LRSAM1: variants seen among roughly 807,000 people sequenced by gnomAD.
The protein encoded by LRSAM1 is E3 ubiquitin-protein ligase LRSAM1.
LRSAM1 carries 96 observed loss-of-function variants against 118.1 expected under a neutral mutation model. That is an observed-to-expected ratio of 0.81 (90% CI 0.69 to 0.96). The LOEUF (loss-of-function observed/expected upper bound fraction) is 0.96. Ranked by LOEUF, LRSAM1 falls within the 40% of genes least tolerant of loss-of-function variation. LRSAM1 has a pLI of 0.00. For synonymous variants in LRSAM1, 322 were observed against 364.2 expected, an observed-to-expected ratio of 0.88 and a Z score of 1.32; for missense variants, 804 against 915.5, an observed-to-expected ratio of 0.88 and a Z score of 1.57.
At chr9:127,474,990 G>T (rs544260312) in intron 11 of LRSAM1, among the ~76,000 whole-genome samples, 69 of 152,160 alleles carry the variant, frequency 4.5e-4, no homozygotes, top group Non-Finnish European at 6.0e-4. Context: ...CTTAATCTCT[G>T]GTTCCTAGAT....
At position 127,503,130 on chromosome 9, in the gene LRSAM1, A is replaced by G; in HGVS notation, c.*231A>G. The G allele has an allele frequency of 6.8e-6, 4 of 587,892 alleles. No homozygotes were observed. The highest frequency in any genetic ancestry group is 3.0e-5 in the Admixed American group (1 of 33,082). 36.4% of individuals were successfully genotyped at this position (587,892 alleles called of 1,614,324 possible). A position where few individuals can be genotyped will look rare whatever the true frequency, so the allele number is the denominator to read the frequency against. The stretch of plus-strand genomic sequence containing the variant: ...GAATGGTCCTGGGGGCTGGGGCTGG[A>G]GAGGCCGCTGCACCACCACCCGAGC... On this transcript the variant is annotated 3_prime_UTR_variant, in exon 26 of 26. Transcript: ENST00000300417.
Position 127,452,099 on chromosome 9 carries a change from A to AC in LRSAM1, c.-33+19dup, listed in dbSNP as rs1232945111. The AC allele has an allele frequency of 6.6e-6, 1 of 151,658 alleles. No homozygotes were observed. Among genetic ancestry groups the AC allele is most frequent in the African/African-American group, 2.4e-5 (1 of 41,190 alleles). The allele number at this position is 151,658 out of a possible 1,614,324, so 9.4% of individuals were successfully genotyped here. A position where few individuals can be genotyped will look rare whatever the true frequency, so the allele number is the denominator to read the frequency against. On this transcript the variant is annotated intron_variant, in intron 2 of 25. Coordinates refer to ENST00000300417, the MANE Select transcript of LRSAM1 (RefSeq NM_001005373.4). ...CGCAAAGCCAGGTCAGCCACTGCCC[A>AC]CCCCACCCCAGGAAATATGGGTGTG...
In LRSAM1 at chr9:127,461,243, C is replaced by T. The variant is rs772202137; in HGVS notation, c.392C>T (p.Thr131Ile). The T allele has an allele frequency of 3.5e-5, 56 of 1,611,774 alleles. No homozygotes were observed. The highest frequency in any genetic ancestry group is 4.5e-5 in the Non-Finnish European group (53 of 1,178,394). Residue 131 changes from threonine to isoleucine, a missense_variant, in exon 8 of 26, where the codon ACT becomes ATT. Thr to Ile is a moderately conservative substitution (Grantham distance 89). Transcript: ENST00000300417. The part of the protein sequence containing the change: ...RSIGNLTQLQ[T>I]LNVKDNKLKE... ...ATTGGGAACCTGACCCAGCTCCAGA[C>T]TCTCAATGTTAAAGGTAGGGACCAA...
chr9:127,463,068 G>A (rs892756351), intron 9 of LRSAM1, among the ~76,000 whole-genome samples: 7 of 151,790 alleles, frequency 4.6e-5, no homozygotes, highest in African/African-American at 1.5e-4. Context: ...GTGGTGGTGC[G>A]CACCTGTAAT....
At chr9:127,474,015 G>A (rs568040152) in intron 11 of LRSAM1, 84 bp downstream of exon 11, 37 of 1,594,802 alleles carry the variant, frequency 2.3e-5, no homozygotes, top group Admixed American at 8.7e-5. Flanking sequence ...GGAATGGAAG[G>A]GGGCGGTGGT....
intron 21 of LRSAM1, among the ~76,000 whole-genome samples, chr9:127,493,186 C>T (rs554827021): frequency 7.9e-5 from 12 of 152,206 alleles, no homozygotes; most frequent in East Asian, 1.9e-4. Context: ...CTCAGCTTCC[C>T]GAGTAGCTGG....
intron 10 of LRSAM1, among the ~76,000 whole-genome samples, chr9:127,470,370 G>A (rs528954004): frequency 3.3e-5 from 5 of 152,142 alleles, no homozygotes; most frequent in Non-Finnish European, 4.4e-5. Flanking sequence ...AAAACCATCA[G>A]ATCTTGTGAG....
Position 127,466,630 on chromosome 9 carries a change from C to T in LRSAM1, c.529-1110C>T, listed in dbSNP as rs1032293788. Among the ~76,000 whole-genome samples the T allele has an allele frequency of 8.8e-5, 13 of 147,130 alleles. No homozygotes were observed. The East Asian group carries it at 1.3e-3, about 14-fold the overall frequency. On this transcript the variant is annotated intron_variant, in intron 9 of 25. Transcript: ENST00000300417. ...GGCCTCCCAAAGTGCTGGGATTACACGCATGAGCCACCACACCCAGCCAGT... is the reference window on the plus strand; with the variant it reads ...GGCCTCCCAAAGTGCTGGGATTACATGCATGAGCCACCACACCCAGCCAGT...
rs1014715998 is a variant in LRSAM1, at chr9:127,500,650, G to A, written c.1913-360G>A. Reference sequence around the variant, plus strand: ...ATCACCAGATGGCCACATGGCCCTGGGTTGAGTGACTCCCCGTCTCTGAGC... The same window carrying A: ...ATCACCAGATGGCCACATGGCCCTGAGTTGAGTGACTCCCCGTCTCTGAGC... On this transcript the variant is annotated intron_variant, in intron 24 of 25. Coordinates refer to ENST00000300417, the MANE Select transcript of LRSAM1 (RefSeq NM_001005373.4). Among the ~76,000 whole-genome samples, 10 of 152,162 alleles carry A rather than the reference G, an allele frequency of 6.6e-5. No individual in the cohort carries two copies. In the East Asian group the frequency reaches 1.9e-3, roughly 29 times the overall value.
At chr9:127,452,752 G>A (rs570045176) in intron 2 of LRSAM1, among the ~76,000 whole-genome samples, 8 of 152,336 alleles carry the variant, frequency 5.3e-5, no homozygotes, top group African/African-American at 1.9e-4. Context: ...AGTTGTGGGT[G>A]GCAGATTTCG....
chr9:127,477,845 C>T lies in LRSAM1; in HGVS notation c.751-1089C>T, dbSNP rs571309854. Reference sequence around the variant, plus strand: ...AATGGATCACCTGAGGTCAGGAGTTCGAGACCAGCTTGGCCAATATGGTGA... The same window carrying T: ...AATGGATCACCTGAGGTCAGGAGTTTGAGACCAGCTTGGCCAATATGGTGA... On this transcript the variant is annotated intron_variant, in intron 11 of 25. Coordinates refer to ENST00000300417, the MANE Select transcript of LRSAM1 (RefSeq NM_001005373.4). 3.9e-5 allele frequency among the ~76,000 whole-genome samples: 6 copies of T among 152,090 alleles called. No individual in the cohort carries two copies. The South Asian group carries it at 1.2e-3, about 32-fold the overall frequency.
At chr9:127,489,125 G>A (rs1270508120) in intron 18 of LRSAM1, among the ~76,000 whole-genome samples, 1 of 152,172 alleles carries the variant, frequency 6.6e-6, no homozygotes, top group Non-Finnish European at 1.5e-5. Flanking sequence ...GATAGGCTTG[G>A]TGTGTGTCCC....
At chr9:127,463,863 A>G (rs1321914316) in intron 9 of LRSAM1, among the ~76,000 whole-genome samples, 4 of 152,232 alleles carry the variant, frequency 2.6e-5, no homozygotes, top group Non-Finnish European at 4.4e-5. Flanking sequence ...GTATCGTCAC[A>G]GAACTCTTGT....
Position 127,503,191 on chromosome 9 carries a change from C to A in LRSAM1, c.*292C>A. On this transcript the variant is annotated 3_prime_UTR_variant, in exon 26 of 26. Transcript: ENST00000300417. Reference sequence around the variant, plus strand: ...GCGTCCCAGCCTAATCACGGATCTGCTGCCTCCCAGCTGTCTTGACTGAAG... The same window carrying A: ...GCGTCCCAGCCTAATCACGGATCTGATGCCTCCCAGCTGTCTTGACTGAAG... The A allele has an allele frequency of 2.2e-6, 1 of 456,094 alleles. No homozygotes were observed. 28.3% of individuals were successfully genotyped at this position (456,094 alleles called of 1,614,324 possible). A position where few individuals can be genotyped will look rare whatever the true frequency, so the allele number is the denominator to read the frequency against.
intron 17 of LRSAM1, among the ~76,000 whole-genome samples, chr9:127,487,157 C>T (rs1284177891): frequency 2.0e-5 from 3 of 150,714 alleles, no homozygotes; most frequent in East Asian, 3.9e-4. Context: ...GCACTCCAGC[C>T]CGGGTGACAG....
intron 2 of LRSAM1, chr9:127,453,529 C>G (rs980547864): frequency 6.6e-6 from 1 of 152,440 alleles, no homozygotes; most frequent in African/African-American, 2.4e-5. Context: ...CTGGCTGGCT[C>G]TGGATTGCTC....
At chr9:127,479,768 A>C in intron 13 of LRSAM1, 71 bp from the exon 14 acceptor site, 1 of 1,575,030 alleles carries the variant, frequency 6.3e-7, no homozygotes, top group Non-Finnish European at 8.6e-7. Flanking sequence ...CCAGCCTCCT[A>C]ACCCCAGTCA....
chr9:127,485,919 T>C, intron 17 of LRSAM1, 84 bp downstream of exon 17: 1 of 1,345,934 alleles, frequency 7.4e-7, no homozygotes, highest in Non-Finnish European at 1.1e-6. Flanking sequence ...AGCTGGGCAC[T>C]AAACCTCCCG....
chr9:127,460,234 A>G (rs995734117), intron 7 of LRSAM1, among the ~76,000 whole-genome samples: 9 of 151,852 alleles, frequency 5.9e-5, no homozygotes, highest in African/African-American at 2.2e-4. Context: ...TCCTGATCTC[A>G]TGATCCACCC....
Sources: allele counts gnomAD v4.1 joint callset (sites outside exome capture counted in the v4.1 genomes callset), GRCh38; gene constraint gnomAD v4.1.1; transcripts MANE v1.5; gene names NCBI Gene and HGNC (gene_info 2026-07-23, HGNC 2026-07-21).